The following NAV2 variants were observed in gnomAD, a reference collection of about 807,000 sequenced individuals.
The protein encoded by NAV2 is helicase, APC down-regulated 1.
In NAV2, 54 loss-of-function variants were observed where a neutral mutation model predicts 223.2. The ratio of observed to expected loss-of-function variants is 0.24; its 90% CI spans 0.19 to 0.30. The LOEUF is 0.30. NAV2 is among the 10% of genes least tolerant of loss of function. NAV2 has a pLI of 1.00. For synonymous variants in NAV2, 1,279 were observed against 1,239.3 expected (o/e 1.03, Z -0.67); for missense variants, 2,806 against 3,147.5 (o/e 0.89, Z 2.60).
At chr11:19,956,383 C>T (rs200512704) in intron 10 of NAV2, among the ~76,000 whole-genome samples, 1,709 of 96,524 alleles carry the variant, frequency 0.018, 15 homozygotes, top group African/African-American at 0.041. Flanking sequence ...CACACACACA[C>T]ACACACACAC....
Position 20,097,632 on chromosome 11 carries a change from T to C in NAV2, c.6068T>C (p.Val2023Ala). The C allele has an allele frequency of 6.2e-7, 1 of 1,613,408 alleles. No homozygotes were observed. The highest frequency in any genetic ancestry group is 8.5e-7 in the Non-Finnish European group (1 of 1,179,850). The change falls in exon 31 of 38, where the codon GTT becomes GCT. Residue 2023 changes from valine to alanine, a missense_variant. Physicochemically the swap from Val to Ala is moderately conservative, Grantham distance 64. This residue lies in a region of NAV2 where 824 missense variants were observed against 1,069.4 expected (regional missense o/e 0.77). Coordinates refer to ENST00000349880, the MANE Select transcript of NAV2 (RefSeq NM_145117.5). Reference sequence around the variant, plus strand: ...CAGCTAGGGCTGAATTCAGACAGCGTTCTTGGCTACAGCATTGGAGAAATC... The same window carrying C: ...CAGCTAGGGCTGAATTCAGACAGCGCTCTTGGCTACAGCATTGGAGAAATC... ...VSQLGLNSDS[V>A]LGYSIGEIKR...
chr11:19,633,184 T>A (rs1433651717), intron 1 of NAV2, among the ~76,000 whole-genome samples: 1 of 151,838 alleles, frequency 6.6e-6, no homozygotes, highest in Non-Finnish European at 1.5e-5. Context: ...AACTAACCTC[T>A]CCTCCTAGCC....
At chr11:19,649,136 T>G (rs531331573) in intron 1 of NAV2, among the ~76,000 whole-genome samples, 1 of 152,322 alleles carries the variant, frequency 6.6e-6, no homozygotes, top group East Asian at 1.9e-4. Flanking sequence ...GCATAAACTG[T>G]GCTATGAGGA....
intron 1 of NAV2, among the ~76,000 whole-genome samples, chr11:19,603,887 C>A (rs999717507): frequency 6.6e-6 from 1 of 151,880 alleles, no homozygotes; most frequent in South Asian, 2.1e-4. Flanking sequence ...TGAGTAGAGC[C>A]TGAAGGAAGG....
intron 3 of NAV2, among the ~76,000 whole-genome samples, chr11:19,862,633 G>A (rs576419351): frequency 1.3e-5 from 2 of 152,244 alleles, no homozygotes; most frequent in South Asian, 4.2e-4. Context: ...TCTGAGGTCC[G>A]CTTCTAAAAT....
chr11:19,944,165 C>T (rs552448192), intron 8 of NAV2, among the ~76,000 whole-genome samples: 91 of 152,272 alleles, frequency 6.0e-4, no homozygotes, highest in African/African-American at 2.1e-3. Flanking sequence ...CGTGCCACTG[C>T]ACTCCAGCCT....
rs377728527 is a variant in NAV2, at chr11:19,770,501, G to C, written c.267+56539G>C. ...TATCTGCTGCATTGAGGTGGTGGGTGGGGAGGGGGCTGGAGAAGGAGTCCT... is the reference window on the plus strand; with the variant it reads ...TATCTGCTGCATTGAGGTGGTGGGTCGGGAGGGGGCTGGAGAAGGAGTCCT... On this transcript the variant is annotated intron_variant, in intron 1 of 37. Transcript: ENST00000349880. Among the ~76,000 whole-genome samples, 124 of 152,252 alleles carry C rather than the reference G, an allele frequency of 8.1e-4. 2 individuals carry two copies. Among genetic ancestry groups the C allele is most frequent in the Middle Eastern group, 6.8e-3 (2 of 294 alleles).
At chr11:19,581,725 A>G (rs1316592035) in intron 1 of NAV2, among the ~76,000 whole-genome samples, 1 of 152,176 alleles carries the variant, frequency 6.6e-6, no homozygotes, top group Non-Finnish European at 1.5e-5. Flanking sequence ...ATAGTATTCC[A>G]TGGTGTATAT....
In NAV2 at chr11:19,956,930, C is replaced by G. The variant is rs1010858984; in HGVS notation, c.2645+7850C>G. ...CAACCAGCTCCTATCCTCCAAGAGT[C>G]ACCTCAGTAGCATAAGCCCAGGTAT... On this transcript the variant is annotated intron_variant, in intron 10 of 37. Coordinates refer to ENST00000349880, the MANE Select transcript of NAV2 (RefSeq NM_145117.5). 2.0e-5 allele frequency among the ~76,000 whole-genome samples: 3 copies of G among 152,134 alleles called. No individual in the cohort carries two copies. The East Asian group carries it at 5.8e-4, about 29-fold the overall frequency.
intron 1 of NAV2, among the ~76,000 whole-genome samples, chr11:19,416,869 G>T (rs2133449310): frequency 6.6e-6 from 1 of 152,286 alleles, no homozygotes; most frequent in South Asian, 2.1e-4. Context: ...TTAATAAATG[G>T]TGTTGGGAAA....
chr11:19,586,001 T>C (rs895407160), intron 1 of NAV2, among the ~76,000 whole-genome samples: 1 of 152,246 alleles, frequency 6.6e-6, no homozygotes, highest in Non-Finnish European at 1.5e-5. Context: ...ATTCTCTCCG[T>C]CAGTTTCAGG....
intron 1 of NAV2, among the ~76,000 whole-genome samples, chr11:19,399,662 A>G (rs1045776117): frequency 6.6e-6 from 1 of 152,206 alleles, no homozygotes; most frequent in Non-Finnish European, 1.5e-5. Flanking sequence ...TATGTCATTG[A>G]TCCTCAACTG....
intron 1 of NAV2, among the ~76,000 whole-genome samples, chr11:19,727,897 G>T (rs1565214597): frequency 6.6e-6 from 1 of 152,228 alleles, no homozygotes; most frequent in Non-Finnish European, 1.5e-5. Context: ...AAGGAAGGTA[G>T]TAGAGGATGC....
At chr11:19,474,609 G>GTGAT (rs1228458722) in intron 1 of NAV2, among the ~76,000 whole-genome samples, 2 of 152,182 alleles carry the variant, frequency 1.3e-5, no homozygotes, top group African/African-American at 4.8e-5. Flanking sequence ...GTGGATGAGG[G>GTGAT]TGATCTATAG....
chr11:19,520,931 A>T (rs536787700), intron 1 of NAV2, among the ~76,000 whole-genome samples: 52 of 152,268 alleles, frequency 3.4e-4, no homozygotes, highest in African/African-American at 1.1e-3. Flanking sequence ...GGGATTTTAC[A>T]GCTCCCCTGG....
chr11:19,874,832 A>G (rs2062741423), intron 4 of NAV2, among the ~76,000 whole-genome samples: 1 of 152,232 alleles, frequency 6.6e-6, no homozygotes, highest in Non-Finnish European at 1.5e-5. Context: ...TCTAACATCG[A>G]TGAACCTTAA....
At chr11:19,828,677 AG>A (rs1377610168) in intron 1 of NAV2, among the ~76,000 whole-genome samples, 2 of 150,604 alleles carry the variant, frequency 1.3e-5, no homozygotes, top group Non-Finnish European at 2.9e-5. Flanking sequence ...TTTTGTAGGG[AG>A]GGGGTTTCAC....
Position 19,998,416 on chromosome 11 carries a change from T to C in NAV2, c.2768+14169T>C, listed in dbSNP as rs115391968. Among the ~76,000 whole-genome samples the C allele has an allele frequency of 5.8e-3, 881 of 152,238 alleles. 9 individuals carry two copies. Among genetic ancestry groups the C allele is most frequent in the African/African-American group, 0.02 (843 of 41,542 alleles). On this transcript the variant is annotated intron_variant, in intron 11 of 37. Coordinates refer to ENST00000349880, the MANE Select transcript of NAV2 (RefSeq NM_145117.5). This position sits in a 1 kb window ranked among gnomAD's most constrained non-coding sequence, Gnocchi z 5.0. ...TGTACCCACCAGGGCCTTCATGCGG[T>C]ACGTTCTCCACCCAGAAGCTATTGT... is the stretch of plus-strand genomic sequence containing the variant.
chr11:19,829,726 C>T (rs1242103450), intron 1 of NAV2, among the ~76,000 whole-genome samples: 2 of 152,160 alleles, frequency 1.3e-5, no homozygotes, highest in African/African-American at 2.4e-5. Context: ...ACCCTTCTCC[C>T]CAATTGCCTT....
Sources: gnomAD v4.1 joint callset for allele counts (sites outside exome capture counted in the v4.1 genomes callset) on GRCh38, gnomAD v4.1.1 for gene constraint, gnomAD v4.1.1 regional missense constraint, Gnocchi (gnomAD v3.1) non-coding constraint, MANE v1.5 for transcripts, NCBI Gene and HGNC (gene_info 2026-07-23, HGNC 2026-07-21) for gene names.